Variants in KCTD2 observed in about 807,000 individuals in gnomAD.
KCTD2 encodes potassium channel tetramerization domain containing 2.
Under a neutral mutation model 27.9 loss-of-function variants are expected in KCTD2, and 18 were observed. That is an observed-to-expected ratio of 0.64 (90% CI 0.45 to 0.96). The LOEUF is 0.96. Among genes scored for constraint, KCTD2 ranks in the 40% least tolerant of loss-of-function variants. KCTD2 has a pLI of 0.00. For missense variants in KCTD2, 280 were observed against 348.0 expected (o/e 0.80, Z 1.56); for synonymous variants, 175 against 148.4 (o/e 1.18, Z -1.30).
rs2073234005 is a variant in KCTD2 at position 75,047,327 on chromosome 17, G to A, written c.77G>A (p.Gly26Asp). ...GGGAGTGGGGTGGGCGACGGGGGTG[G>A]CCCAGTCCGCGGGCCCCCCAGCCCA... ...GGGSGVGDGG[G>D]PVRGPPSPRP... Residue 26 changes from glycine to aspartate, a missense_variant, in exon 1 of 6, where the codon GGC becomes GAC. Physicochemically the swap from Gly to Asp is moderately conservative, Grantham distance 94. Transcript: ENST00000322444. The A allele has an allele frequency of 1.7e-6, 2 of 1,158,538 alleles. No homozygotes were observed. Among genetic ancestry groups the A allele is most frequent in the East Asian group, 4.0e-5 (1 of 25,160 alleles). The allele number at this position is 1,158,538 out of a possible 1,614,324, so 71.8% of individuals were successfully genotyped here.
chr17:75,034,447 C>G (rs565553456), intron 2 of KCTD2, among the ~76,000 whole-genome samples: 7 of 152,268 alleles, frequency 4.6e-5, no homozygotes, highest in African/African-American at 1.2e-4. Flanking sequence ...AGGTGGGACT[C>G]GAACCCACAA....
rs555466733 is a variant in KCTD2 at position 75,050,142 on chromosome 17, A to G, written c.448+814A>G. 7.2e-5 allele frequency among the ~76,000 whole-genome samples: 11 copies of G among 152,368 alleles called. No homozygotes were observed. The South Asian group carries it at 2.3e-3, about 32-fold the overall frequency. ...AAACGCATACAGAAGTAATGGGAAT[A>G]GTACATACAGTGAATTCCTTGCATC... On this transcript the variant is annotated intron_variant, in intron 2 of 5. Transcript: ENST00000322444.
rs1216672211 is a variant in KCTD2, at chr17:75,064,650, T to C, written c.*1603T>C. 1 of 152,198 alleles carries C rather than the reference T, an allele frequency of 6.6e-6. No homozygotes were observed. The allele number at this position is 152,198 out of a possible 1,614,324, so 9.4% of individuals were successfully genotyped here. ...GAACCCGGTATACAGGGGTTTCTGC[T>C]GACACATCAACGTCTACACACCTAT... is the stretch of plus-strand genomic sequence containing the variant. On this transcript the variant is annotated 3_prime_UTR_variant, in exon 6 of 6. Transcript: ENST00000322444.
In KCTD2 at chr17:75,060,589, C is replaced by T. The variant is rs1003947773; in HGVS notation, c.636+984C>T. ...AAGTTGGCAAAGAGCAGCTGGCCGG[C>T]GCCGGCCTCCCCGCTCTGGCTCGCC... On this transcript the variant is annotated intron_variant, in intron 4 of 5. Coordinates refer to ENST00000322444, the MANE Select transcript of KCTD2 (RefSeq NM_015353.3). The T allele has an allele frequency of 8.7e-6, 14 of 1,609,596 alleles. No homozygotes were observed. The South Asian group carries it at 1.2e-4, about 14-fold the overall frequency.
intron 3 of KCTD2, among the ~76,000 whole-genome samples, chr17:75,054,834 G>A (rs542420665): frequency 4.6e-5 from 7 of 151,628 alleles, no homozygotes; most frequent in African/African-American, 1.7e-4. Flanking sequence ...GAAGCTTGAA[G>A]TATAGCCAGG....
At chr17:75,062,854 G>GT (rs764916246) in intron 5 of KCTD2, among the ~76,000 whole-genome samples, 164 bp from the exon 6 acceptor site, 7 of 152,144 alleles carry the variant, frequency 4.6e-5, no homozygotes, top group Non-Finnish European at 1.0e-4. Flanking sequence ...GCAAGAGAGT[G>GT]TTTCGCACCA....
At chr17:75,052,040 G>A (rs2073293675) in intron 2 of KCTD2, among the ~76,000 whole-genome samples, 2 of 151,964 alleles carry the variant, frequency 1.3e-5, no homozygotes, top group Admixed American at 1.3e-4. Context: ...TCCTTTTGAG[G>A]GCAGATTGGA....
intron 3 of KCTD2, chr17:75,039,030 G>A (rs148887046): frequency 5.6e-6 from 9 of 1,614,062 alleles, no homozygotes; most frequent in Non-Finnish European, 7.6e-6. Flanking sequence ...ATGGTCATCT[G>A]ATCAAATGGA....
At chr17:75,042,140 G>A in intron 3 of KCTD2, 1 of 1,537,690 alleles carries the variant, frequency 6.5e-7, no homozygotes, top group South Asian at 1.1e-5. Flanking sequence ...CTACCCACAG[G>A]CATGTTACAA....
Position 75,065,241 on chromosome 17 carries a change from G to T in KCTD2, c.*2194G>T, listed in dbSNP as rs547832790. 2 of 152,158 alleles carry T rather than the reference G, an allele frequency of 1.3e-5. No homozygotes were observed. The highest frequency in any genetic ancestry group is 4.8e-5 in the African/African-American group (2 of 41,424). The allele number at this position is 152,158 out of a possible 1,614,324, so 9.4% of individuals were successfully genotyped here. A position where few individuals can be genotyped will look rare whatever the true frequency, so the allele number is the denominator to read the frequency against. ...TGGTGTTCACCAAGTTTCCCTCCTC[G>T]CTGCAACCCAATGACACCTGTATTG... On this transcript the variant is annotated 3_prime_UTR_variant, in exon 6 of 6. Coordinates refer to ENST00000322444, the MANE Select transcript of KCTD2 (RefSeq NM_015353.3).
At chr17:75,056,935 CT>C (rs1390115657) in intron 3 of KCTD2, among the ~76,000 whole-genome samples, 1 of 136,476 alleles carries the variant, frequency 7.3e-6, no homozygotes, top group Admixed American at 7.7e-5. Flanking sequence ...TCCTCTGTTT[CT>C]TTTTTTTTCT....
intron 3 of KCTD2, chr17:75,038,764 G>T: frequency 2.7e-6 from 2 of 748,778 alleles, no homozygotes; most frequent in Non-Finnish European, 2.1e-6. Flanking sequence ...ACCTGTCGAG[G>T]CTCACCTTTC....
intron 1 of KCTD2, 105 bp downstream of exon 1, chr17:75,047,694 G>C (rs1267803110): frequency 1.7e-6 from 2 of 1,192,524 alleles, no homozygotes; most frequent in East Asian, 3.1e-5. Context: ...AGCCCCCTCA[G>C]GCCGGGACCC....
intron 3 of KCTD2, among the ~76,000 whole-genome samples, chr17:75,053,308 A>G (rs1289480274): frequency 6.6e-6 from 1 of 152,182 alleles, no homozygotes; most frequent in Non-Finnish European, 1.5e-5. Context: ...ATGTCCCAAT[A>G]GAATGAGAAG....
At chr17:75,042,410 G>T (rs1277853601), upstream of KCTD2, 3 of 1,506,346 alleles carry the variant, frequency 2.0e-6, no homozygotes, top group Non-Finnish European at 2.7e-6. Context: ...TCATGAAAAT[G>T]CAAGGATTTC....
At chr17:75,047,957 G>GA (rs1414049392) in intron 1 of KCTD2, among the ~76,000 whole-genome samples, 4 of 152,222 alleles carry the variant, frequency 2.6e-5, no homozygotes, top group African/African-American at 9.6e-5. Context: ...CCCACTGCCG[G>GA]TGCCAGATGC....
chr17:75,062,946 G>A lies in KCTD2; in HGVS notation c.763-72G>A, dbSNP rs1313858335. ...ACCATCATGCCACTCATCGGGTCCA[G>A]TGGAAAGCATCCCCCGACATCTCTG... On this transcript the variant is annotated intron_variant, in intron 5 of 5. Coordinates refer to ENST00000322444, the MANE Select transcript of KCTD2 (RefSeq NM_015353.3). 5 of 1,539,374 alleles carry A rather than the reference G, an allele frequency of 3.2e-6. No individual in the cohort carries two copies. The East Asian group carries it at 6.7e-5, about 21-fold the overall frequency.
chr17:75,047,656 A>G (rs1032131317), intron 1 of KCTD2, 67 bp downstream of exon 1: 58 of 1,489,412 alleles, frequency 3.9e-5, no homozygotes, highest in African/African-American at 5.7e-5. Context: ...ATCGGTCCCC[A>G]GAGTCCTGAG....
intron 3 of KCTD2, among the ~76,000 whole-genome samples, chr17:75,056,986 G>T (rs1056277039): frequency 8.1e-6 from 1 of 123,330 alleles, no homozygotes; most frequent in African/African-American, 3.1e-5. Context: ...ACAGAGTCTC[G>T]CTGTGTTGAC....
Sources: gnomAD v4.1 joint callset for allele counts (sites outside exome capture counted in the v4.1 genomes callset) on GRCh38, gnomAD v4.1.1 for gene constraint, MANE v1.5 for transcripts, NCBI Gene and HGNC (gene_info 2026-07-23, HGNC 2026-07-21) for gene names.